The following EML6 variants were observed in gnomAD, a reference collection of about 807,000 sequenced individuals.
The protein encoded by EML6 is EMAP like 6, also known as echinoderm microtubule-associated protein-like 6.
Under a neutral mutation model 240.1 loss-of-function variants are expected in EML6, and 154 were observed. The observed-to-expected ratio is 0.64, with a 90% CI of 0.56 to 0.73. The LOEUF (loss-of-function observed/expected upper bound fraction) is 0.73. Ranked by LOEUF, EML6 falls within the 30% of genes least tolerant of loss-of-function variation. EML6 has a pLI of 0.00. For synonymous variants in EML6, 1,148 were observed against 899.0 expected (o/e 1.28, Z -4.95); for missense variants, 2,964 against 2,474.6 (o/e 1.20, Z -4.20).
At chr2:54,828,390 T>C (rs972708827) in intron 6 of EML6, among the ~76,000 whole-genome samples, 1 of 152,224 alleles carries the variant, frequency 6.6e-6, no homozygotes, top group African/African-American at 2.4e-5. Flanking sequence ...TTGTTGTATC[T>C]ACAAATGATA....
At chr2:54,791,041 A>C (rs568869051) in intron 2 of EML6, among the ~76,000 whole-genome samples, 2 of 152,128 alleles carry the variant, frequency 1.3e-5, no homozygotes, top group Non-Finnish European at 2.9e-5. Flanking sequence ...TTAATTTTCA[A>C]ACTTTGAAGC....
At chr2:54,847,986 C>G (rs748150031) in intron 9 of EML6, among the ~76,000 whole-genome samples, 9 of 152,176 alleles carry the variant, frequency 5.9e-5, no homozygotes, top group Non-Finnish European at 1.3e-4. Context: ...GTGTATGAAC[C>G]TTTCTAAAAT....
At chr2:54,843,688 C>T (rs1239749321) in intron 7 of EML6, among the ~76,000 whole-genome samples, 2 of 151,744 alleles carry the variant, frequency 1.3e-5, no homozygotes, top group African/African-American at 2.4e-5. Flanking sequence ...ACTAAAAATA[C>T]AAAAATTAGC....
intron 11 of EML6, among the ~76,000 whole-genome samples, chr2:54,858,856 T>C (rs1426647010): frequency 6.6e-6 from 1 of 152,214 alleles, no homozygotes; most frequent in Non-Finnish European, 1.5e-5. Flanking sequence ...GAAATGTTTT[T>C]GAAGAGAGGT....
At chr2:54,890,769 A>G (rs1672424156) in intron 17 of EML6, among the ~76,000 whole-genome samples, 1 of 152,216 alleles carries the variant, frequency 6.6e-6, no homozygotes, top group Non-Finnish European at 1.5e-5. Flanking sequence ...CATTAATTTT[A>G]TCTTATGGAG....
At chr2:54,950,555 T>G (rs934009142) in intron 29 of EML6, 95 bp from the exon 30 acceptor site, 2 of 1,404,808 alleles carry the variant, frequency 1.4e-6, no homozygotes, top group East Asian at 5.1e-5. Context: ...ATACCGTTCC[T>G]GGGACACACG....
intron 17 of EML6, among the ~76,000 whole-genome samples, chr2:54,886,774 G>A (rs550277037): frequency 6.6e-6 from 1 of 152,100 alleles, no homozygotes; most frequent in Non-Finnish European, 1.5e-5. Flanking sequence ...TGAGTTTTAA[G>A]AGTTTTAATA....
At chr2:54,919,479 G>T (rs538435044) in intron 26 of EML6, among the ~76,000 whole-genome samples, 15 of 152,068 alleles carry the variant, frequency 9.9e-5, no homozygotes, top group Non-Finnish European at 2.2e-4. Context: ...ATGGTGAGTA[G>T]CCCTGAGATA....
At chr2:54,895,509 T>C (rs1672717249) in intron 21 of EML6, 109 bp downstream of exon 21, 1 of 1,122,358 alleles carries the variant, frequency 8.9e-7, no homozygotes, top group East Asian at 2.6e-5. Flanking sequence ...ACTCTCAGGG[T>C]TGCACAAGAG....
chr2:54,907,955 AGATAGATAGATAGAT>A (rs1673432530), intron 24 of EML6, among the ~76,000 whole-genome samples: 1 of 31,762 alleles, frequency 3.1e-5, no homozygotes, highest in African/African-American at 1.2e-4. Flanking sequence ...TAAGATAGAT[AGATAGATAGATAGAT>A]AGATAGATAG....
At chr2:54,773,925 G>A (rs972940840) in intron 2 of EML6, among the ~76,000 whole-genome samples, 2 of 152,164 alleles carry the variant, frequency 1.3e-5, no homozygotes, top group African/African-American at 2.4e-5. Flanking sequence ...CCATCAATTC[G>A]ATTTGATGAC....
At chr2:54,801,576 G>GATGA (rs1350409921) in intron 2 of EML6, among the ~76,000 whole-genome samples, 1 of 152,206 alleles carries the variant, frequency 6.6e-6, no homozygotes, top group African/African-American at 2.4e-5. Flanking sequence ...ATAGAATATG[G>GATGA]ATGAATCCGT....
chr2:54,836,653 C>T (rs893799005), intron 7 of EML6, among the ~76,000 whole-genome samples: 1 of 152,122 alleles, frequency 6.6e-6, no homozygotes, highest in Admixed American at 6.5e-5. Context: ...CCCTGGGGGT[C>T]CCCTGGCAGG....
intron 26 of EML6, among the ~76,000 whole-genome samples, chr2:54,919,334 C>G (rs1674102926): frequency 6.7e-6 from 1 of 149,160 alleles, no homozygotes; most frequent in Non-Finnish European, 1.5e-5. Flanking sequence ...CTTTTGTATT[C>G]AATCTCAATT....
At chr2:54,951,271 G>A (rs1041394814) in intron 30 of EML6, among the ~76,000 whole-genome samples, 19 of 152,170 alleles carry the variant, frequency 1.2e-4, no homozygotes, top group African/African-American at 4.1e-4. Flanking sequence ...GGTGGCTCAT[G>A]CCTGTAATCC....
At chr2:54,767,597 A>AGTGTGTGTGT (rs111232633) in intron 2 of EML6, among the ~76,000 whole-genome samples, 1,744 of 145,574 alleles carry the variant, frequency 0.012, 37 homozygotes, top group South Asian at 0.052. Context: ...TGGTATGAAG[A>AGTGTGTGTGT]GTGTGTGTGT....
chr2:54,955,977 T>A (rs1676213769), intron 32 of EML6, among the ~76,000 whole-genome samples: 1 of 152,154 alleles, frequency 6.6e-6, no homozygotes, highest in Non-Finnish European at 1.5e-5. Flanking sequence ...CTAGAGAGCC[T>A]ATTATTCATT....
At position 54,859,602 on chromosome 2, in the gene EML6, C is replaced by A. The variant is rs1279116726; in HGVS notation, c.1726C>A (p.Gln576Lys). 2 of 1,551,294 alleles carry A rather than the reference C, an allele frequency of 1.3e-6. No individual in the cohort carries two copies. Among genetic ancestry groups the A allele is most frequent in the Non-Finnish European group, 1.7e-6 (2 of 1,146,852 alleles). The change falls in exon 12 of 42, where the codon CAG (glutamine) becomes AAG (lysine). Residue 576 changes from glutamine (Q) to lysine (K), a missense_variant. Transcript: ENST00000356458. ...VTNVRWSHDFQWVLSTGGADH... is the reference protein window; with the variant it reads ...VTNVRWSHDFKWVLSTGGADH... ...AAATGTCCGCTGGTCCCATGACTTT[C>A]AGTGGGTGTTGAGCACAGGAGGGGC... is the stretch of plus-strand genomic sequence containing the variant.
At chr2:54,857,549 T>A (rs1162085086) in intron 11 of EML6, among the ~76,000 whole-genome samples, 1 of 152,188 alleles carries the variant, frequency 6.6e-6, no homozygotes, top group Non-Finnish European at 1.5e-5. Flanking sequence ...ACAGTTAATA[T>A]ACAAGAAAAT....
Sources: allele counts gnomAD v4.1 joint callset (sites outside exome capture counted in the v4.1 genomes callset), GRCh38; gene constraint gnomAD v4.1.1; transcripts MANE v1.5; gene names NCBI Gene and HGNC (gene_info 2026-07-23, HGNC 2026-07-21).